Variants in PCCB observed in about 807,000 individuals in gnomAD.
The protein encoded by PCCB is propionyl-CoA carboxylase subunit beta, also known as propionyl-CoA carboxylase beta chain, mitochondrial.
In PCCB, 43 loss-of-function variants were observed where a neutral mutation model predicts 60.7. The observed-to-expected ratio is 0.71, with a 90% confidence interval of 0.55 to 0.91. The LOEUF (loss-of-function observed/expected upper bound fraction) is 0.91. PCCB is among the 40% of genes least tolerant of loss of function. The probability of loss-of-function intolerance (pLI) is 0.00; values close to 1 mark genes in which losing one functional copy is unlikely to be tolerated. For missense variants in PCCB, 766 were observed against 702.8 expected (o/e 1.09, Z -1.02); for synonymous variants, 276 against 255.9 (o/e 1.08, Z -0.75).
chr3:136,312,215 A>C (rs777769233), intron 9 of PCCB, among the ~76,000 whole-genome samples: 1 of 152,246 alleles, frequency 6.6e-6, no homozygotes, highest in Non-Finnish European at 1.5e-5. Context: ...TCTTTGTGCG[A>C]CCATCATAGA....
intron 9 of PCCB, among the ~76,000 whole-genome samples, chr3:136,316,347 C>T (rs1934893775): frequency 6.6e-6 from 1 of 151,860 alleles, no homozygotes; most frequent in South Asian, 2.1e-4. Flanking sequence ...ATAGGATCTC[C>T]CTCCGTTGCC....
intron 6 of PCCB, among the ~76,000 whole-genome samples, chr3:136,291,211 G>C (rs1235076100): frequency 6.6e-6 from 1 of 152,040 alleles, no homozygotes; most frequent in Non-Finnish European, 1.5e-5. Context: ...GGGCTCAAGT[G>C]ATCCTCCCAC....
chr3:136,282,395 G>GT (rs921720481), intron 5 of PCCB, among the ~76,000 whole-genome samples: 2 of 152,104 alleles, frequency 1.3e-5, no homozygotes, highest in Non-Finnish European at 2.9e-5. Context: ...ATGTCACTCA[G>GT]TTTTTTTATG....
chr3:136,279,679 A>ATTT (rs1268657933), intron 5 of PCCB, among the ~76,000 whole-genome samples: 4 of 151,638 alleles, frequency 2.6e-5, no homozygotes, highest in African/African-American at 9.7e-5. Context: ...TTATTTATTT[A>ATTT]TTTTTTGAGA....
At chr3:136,295,931 G>GT (rs1282948095) in intron 7 of PCCB, among the ~76,000 whole-genome samples, 1 of 150,916 alleles carries the variant, frequency 6.6e-6, no homozygotes, top group South Asian at 2.1e-4. Flanking sequence ...CGTTTTGTTT[G>GT]TTTTTTGATT....
Position 136,298,092 on chromosome 3 carries a change from A to G in PCCB, c.884+20A>G, listed in dbSNP as rs1934018878. On this transcript the variant is annotated intron_variant, in intron 8 of 14. Coordinates refer to ENST00000251654, the MANE Select transcript of PCCB (RefSeq NM_000532.5). ...TCCCAGGTGGGTTGTAGGCCGGTGC[A>G]CCTTCTCTCATTTTGCAGTGTAGCT... 6.2e-7 allele frequency: 1 copy of G among 1,613,906 alleles called. No individual in the cohort carries two copies. Among genetic ancestry groups the G allele is most frequent in the Non-Finnish European group, 8.5e-7 (1 of 1,179,920 alleles).
intron 6 of PCCB, among the ~76,000 whole-genome samples, chr3:136,290,671 G>GTTTTTCTTTTTTTTTTTT (rs1276235479): frequency 1.7e-5 from 1 of 60,050 alleles, no homozygotes; most frequent in Non-Finnish European, 2.7e-5. Context: ...TCTCTGTGTA[G>GTTTTTCTTTTTTTTTTTT]TTTTTTTTTT....
At chr3:136,303,035 G>T (rs1186569016) in intron 9 of PCCB, among the ~76,000 whole-genome samples, 1 of 122,536 alleles carries the variant, frequency 8.2e-6, no homozygotes, top group Non-Finnish European at 1.8e-5. Flanking sequence ...TCTGAGTTAT[G>T]ATCATTGCCA....
chr3:136,259,164 T>C, intron 3 of PCCB: 1 of 1,465,522 alleles, frequency 6.8e-7, no homozygotes, highest in South Asian at 1.4e-5. Flanking sequence ...TTAACCTTTC[T>C]TTTTAAAACA....
chr3:136,323,230 A>T (rs993755624), intron 10 of PCCB, among the ~76,000 whole-genome samples: 1 of 152,044 alleles, frequency 6.6e-6, no homozygotes. Flanking sequence ...TATCCTGTGT[A>T]TGTTGGTTCA....
At chr3:136,284,316 T>TGAGG (rs59010681) in intron 6 of PCCB, among the ~76,000 whole-genome samples, 1 of 151,592 alleles carries the variant, frequency 6.6e-6, no homozygotes, top group Non-Finnish European at 1.5e-5. Flanking sequence ...AAGTTGTTTC[T>TGAGG]TCCTTTATTT....
intron 9 of PCCB, among the ~76,000 whole-genome samples, chr3:136,315,198 A>G (rs1248229772): frequency 1.3e-5 from 2 of 152,228 alleles, no homozygotes; most frequent in Admixed American, 1.3e-4. Flanking sequence ...GTGCTGCTAT[A>G]AAGGATACTA....
At chr3:136,286,165 C>A (rs1348797709) in intron 6 of PCCB, among the ~76,000 whole-genome samples, 1 of 152,180 alleles carries the variant, frequency 6.6e-6, no homozygotes, top group Non-Finnish European at 1.5e-5. Flanking sequence ...TCTATTTGGA[C>A]ATTATGATGA....
chr3:136,285,551 C>CTT (rs1560011423), intron 6 of PCCB, among the ~76,000 whole-genome samples: 1 of 150,542 alleles, frequency 6.6e-6, no homozygotes, highest in East Asian at 2.0e-4. Context: ...ACCACTAAAT[C>CTT]GTTTTTTTTT....
At chr3:136,253,086 T>G (rs1941563528) in intron 1 of PCCB, among the ~76,000 whole-genome samples, 1 of 116,066 alleles carries the variant, frequency 8.6e-6, no homozygotes, top group South Asian at 3.2e-4. Context: ...ATGGAGGTTT[T>G]TTTTTTTTTT....
chr3:136,268,110 A>G (rs929682552), intron 5 of PCCB, among the ~76,000 whole-genome samples: 77 of 126,460 alleles, frequency 6.1e-4, no homozygotes, highest in Non-Finnish European at 9.3e-4. Flanking sequence ...ATATATATAT[A>G]TATATATATA....
intron 13 of PCCB, among the ~76,000 whole-genome samples, 193 bp from the exon 14 acceptor site, chr3:136,328,565 C>T (rs1191305204): frequency 1.3e-5 from 2 of 152,172 alleles, no homozygotes; most frequent in African/African-American, 4.8e-5. Flanking sequence ...CACATCCCAT[C>T]ATGCAGCCCC....
chr3:136,314,439 G>A lies in PCCB; in HGVS notation c.967-2502G>A, dbSNP rs72987407. Among the ~76,000 whole-genome samples, 517 of 152,188 alleles carry A rather than the reference G, an allele frequency of 3.4e-3. 1 individual carries two copies. Among genetic ancestry groups the A allele is most frequent in the African/African-American group, 0.012 (510 of 41,522 alleles). On this transcript the variant is annotated intron_variant, in intron 9 of 14. Coordinates refer to ENST00000251654, the MANE Select transcript of PCCB (RefSeq NM_000532.5). ...CACTTGTAAGGAGGGCGGATTGCTCGAGCTTCGGAGTTTGAGCCCAGCCCG... is the reference window on the plus strand; with the variant it reads ...CACTTGTAAGGAGGGCGGATTGCTCAAGCTTCGGAGTTTGAGCCCAGCCCG...
chr3:136,278,399 A>G (rs896879048), intron 5 of PCCB, among the ~76,000 whole-genome samples: 1 of 152,152 alleles, frequency 6.6e-6, no homozygotes, highest in Non-Finnish European at 1.5e-5. Context: ...CTTCTTGGAA[A>G]AAGAGTCACC....
Sources: gnomAD v4.1 joint callset for allele counts (sites outside exome capture counted in the v4.1 genomes callset) on GRCh38, gnomAD v4.1.1 for gene constraint, MANE v1.5 for transcripts, NCBI Gene and HGNC (gene_info 2026-07-23, HGNC 2026-07-21) for gene names.